The following FOXN3 variants were observed in gnomAD, a reference collection of about 807,000 sequenced individuals.
FOXN3 encodes the protein forkhead box N3.
FOXN3 carries 7 observed loss-of-function variants against 38.4 expected under a neutral mutation model. That is an observed-to-expected ratio of 0.18 (90% CI 0.10 to 0.34). The LOEUF is 0.34. Ranked by LOEUF, FOXN3 falls within the 10% of genes least tolerant of loss-of-function variation. The pLI is 1.00. For synonymous variants in FOXN3, 230 were observed against 242.2 expected (o/e 0.95, Z 0.47); for missense variants, 456 against 613.4 (o/e 0.74, Z 2.71).
chr14:89,173,243 T>C (rs1240490018), intron 5 of FOXN3, among the ~76,000 whole-genome samples: 4 of 152,174 alleles, frequency 2.6e-5, no homozygotes, highest in Non-Finnish European at 5.9e-5. Context: ...GAAATATAAA[T>C]TAAAGTACAA....
intron 2 of FOXN3, among the ~76,000 whole-genome samples, chr14:89,397,441 T>TAAAAA (rs35139656): frequency 8.3e-6 from 1 of 120,660 alleles, no homozygotes; most frequent in Non-Finnish European, 1.8e-5. Flanking sequence ...AAATAAAAGT[T>TAAAAA]AAAAAAAAAA....
chr14:89,450,659 C>T (rs1451094923), intron 1 of FOXN3, among the ~76,000 whole-genome samples: 1 of 151,822 alleles, frequency 6.6e-6, no homozygotes, highest in African/African-American at 2.4e-5. Flanking sequence ...AATCTCGGCT[C>T]ACTGTAACAT....
intron 1 of FOXN3, among the ~76,000 whole-genome samples, chr14:89,478,456 C>T (rs549549262): frequency 1.3e-5 from 2 of 152,248 alleles, no homozygotes; most frequent in South Asian, 4.1e-4. Flanking sequence ...TACACAAAAA[C>T]AACTGGTTTG....
At chr14:89,553,519 C>G (rs927060483) in intron 1 of FOXN3, among the ~76,000 whole-genome samples, 42 of 151,310 alleles carry the variant, frequency 2.8e-4, no homozygotes, top group Admixed American at 4.0e-4. Context: ...CAAATACTAA[C>G]TTTTAATTCC....
At chr14:89,476,900 G>A (rs59385441) in intron 1 of FOXN3, among the ~76,000 whole-genome samples, 36,358 of 152,076 alleles carry the variant, frequency 0.24, 5,541 homozygotes, top group Non-Finnish European at 0.34. Context: ...GTAGTAAGGC[G>A]CCAGGAGGGA....
chr14:89,497,813 C>T (rs1430789206), intron 1 of FOXN3, among the ~76,000 whole-genome samples: 3 of 152,118 alleles, frequency 2.0e-5, no homozygotes, highest in Non-Finnish European at 2.9e-5. Context: ...GGGGAACTGC[C>T]GTACTATTTT....
intron 1 of FOXN3, among the ~76,000 whole-genome samples, chr14:89,450,113 G>C (rs1164455468): frequency 6.6e-6 from 1 of 152,146 alleles, no homozygotes; most frequent in Admixed American, 6.5e-5. Flanking sequence ...CTCTGTAGGG[G>C]CAATGACACT....
At chr14:89,593,116 GAGAA>G (rs1189974188) in intron 1 of FOXN3, among the ~76,000 whole-genome samples, 29 of 134,132 alleles carry the variant, frequency 2.2e-4, no homozygotes, top group African/African-American at 8.1e-4. Context: ...AGGAGAGAGA[GAGAA>G]AGGAAGGAGG....
At chr14:89,350,964 A>T (rs1656663098) in intron 2 of FOXN3, 156 bp from the exon 3 acceptor site, 1 of 459,898 alleles carries the variant, frequency 2.2e-6, no homozygotes, top group Non-Finnish European at 3.6e-6. Context: ...GTAGAACTCC[A>T]TAAAATGCAC....
chr14:89,249,922 A>T (rs1885405765), intron 4 of FOXN3, among the ~76,000 whole-genome samples: 1 of 152,202 alleles, frequency 6.6e-6, no homozygotes, highest in Non-Finnish European at 1.5e-5. Flanking sequence ...TTCAATGGCC[A>T]TCAATAAAAC....
At chr14:89,496,297 T>C (rs1893682596) in intron 1 of FOXN3, among the ~76,000 whole-genome samples, 2 of 152,214 alleles carry the variant, frequency 1.3e-5, no homozygotes, top group Non-Finnish European at 2.9e-5. Context: ...GGGGATTAAC[T>C]ATGGCTGGTG....
rs953535127 is a variant in FOXN3 at position 89,489,211 on chromosome 14, A to T, written c.-14-76721T>A. Among the ~76,000 whole-genome samples, 4 of 152,184 alleles carry T rather than the reference A, an allele frequency of 2.6e-5. No homozygotes were observed. In the East Asian group the frequency reaches 7.7e-4, roughly 29 times the overall value. ...CCTGAACCTCAGTTTTTCATCTATC[A>T]AGAAAAAGAGGCACTGACCTACCCC... On this transcript the variant is annotated intron_variant, in intron 1 of 6. Coordinates refer to the FOXN3 transcript ENST00000345097.
intron 3 of FOXN3, among the ~76,000 whole-genome samples, chr14:89,282,281 T>C (rs944663928): frequency 1.5e-5 from 2 of 136,720 alleles, no homozygotes; most frequent in African/African-American, 4.9e-5. Flanking sequence ...AACCTTTTGT[T>C]TTATTTTGTT....
chr14:89,306,613 C>T (rs1347120658), intron 3 of FOXN3, among the ~76,000 whole-genome samples: 12 of 152,130 alleles, frequency 7.9e-5, no homozygotes, highest in Admixed American at 6.5e-4. Flanking sequence ...GTGATCCGCC[C>T]GCCTCAGCCT....
chr14:89,365,938 A>G (rs1295305061), intron 2 of FOXN3, among the ~76,000 whole-genome samples: 1 of 152,216 alleles, frequency 6.6e-6, no homozygotes, highest in African/African-American at 2.4e-5. Context: ...AGAATAACTA[A>G]CATAAAGTTA....
At chr14:89,498,323 A>G (rs372328436) in intron 1 of FOXN3, among the ~76,000 whole-genome samples, 177 of 148,188 alleles carry the variant, frequency 1.2e-3, no homozygotes, top group African/African-American at 4.3e-3. Context: ...CCTGGGTTCA[A>G]CCAATTCTCC....
intron 4 of FOXN3, among the ~76,000 whole-genome samples, chr14:89,279,842 G>T (rs926894048): frequency 6.6e-6 from 1 of 152,170 alleles, no homozygotes; most frequent in Non-Finnish European, 1.5e-5. Flanking sequence ...CTATAAATCA[G>T]CACTAAAAAT....
intron 3 of FOXN3, among the ~76,000 whole-genome samples, chr14:89,346,306 C>T (rs982020065): frequency 6.6e-6 from 1 of 152,150 alleles, no homozygotes; most frequent in Non-Finnish European, 1.5e-5. Context: ...TGCACATTTT[C>T]CCCTAATGTC....
Position 89,412,054 on chromosome 14 carries a change from G to A in FOXN3, c.423C>T (p.Tyr141=), listed in dbSNP as rs770209147. The A allele has an allele frequency of 6.2e-7, 1 of 1,613,634 alleles. No homozygotes were observed. Among genetic ancestry groups the A allele is most frequent in the East Asian group, 2.2e-5 (1 of 44,868 alleles). The stretch of plus-strand genomic sequence containing the variant: ...ACGGAAAATGTTCCAAGATCCAGTT[G>A]TAGATATCCTTCACTGGCAGGCGCT... The part of the protein sequence containing the change: ...PTKRLPVKDI[Y]NWILEHFPYF... The change falls in exon 2 of 6, where the codon TAC becomes TAT. Residue 141 remains tyrosine, a synonymous_variant. Coordinates refer to ENST00000557258, the MANE Select transcript of FOXN3 (RefSeq NM_005197.4). The surrounding 1 kb of genome is among the most constrained non-coding windows in gnomAD (Gnocchi z 4.7).
Sources: gnomAD v4.1 joint callset for allele counts (sites outside exome capture counted in the v4.1 genomes callset) on GRCh38, gnomAD v4.1.1 for gene constraint, Gnocchi (gnomAD v3.1) non-coding constraint, MANE v1.5 for transcripts, NCBI Gene and HGNC (gene_info 2026-07-23, HGNC 2026-07-21) for gene names.